Variants in NBAS observed in about 807,000 individuals in gnomAD.
NBAS encodes NAG/BC035112 fusion.
NBAS carries 219 observed loss-of-function variants against 302.5 expected under a neutral mutation model. The ratio of observed to expected loss-of-function variants is 0.72; its 90% CI spans 0.65 to 0.81. The LOEUF is 0.81. Among genes scored for constraint, NBAS ranks in the 30% least tolerant of loss-of-function variants. The pLI, the probability that NBAS is intolerant of heterozygous loss-of-function variation, is 0.00. For synonymous variants in NBAS, 1,118 were observed against 1,021.6 expected (o/e 1.09, Z -1.80); for missense variants, 2,932 against 2,841.6 (o/e 1.03, Z -0.72).
At chr2:15,066,912 A>T in the NBAS span, among the ~76,000 whole-genome samples, 3 of 152,204 alleles carry the variant, frequency 2.0e-5, no homozygotes, top group African/African-American at 7.2e-5. Context: ...CCCCATGTTC[A>T]TTGCAGCATT....
the NBAS span, among the ~76,000 whole-genome samples, chr2:15,110,530 G>T: frequency 6.6e-6 from 1 of 152,136 alleles, no homozygotes; most frequent in South Asian, 2.1e-4. Context: ...CATAGAAGTT[G>T]CAGCCTGCTC....
intron 50 of NBAS, among the ~76,000 whole-genome samples, chr2:15,185,287 T>C (rs998726557): frequency 6.6e-6 from 1 of 152,184 alleles, no homozygotes; most frequent in African/African-American, 2.4e-5. Flanking sequence ...CCCAAGAGTG[T>C]TAGCAAATGT....
chr2:15,309,301 G>A (rs1671174218), intron 38 of NBAS, 54 bp from the exon 39 acceptor site: 2 of 1,409,924 alleles, frequency 1.4e-6, no homozygotes, highest in South Asian at 1.2e-5. Flanking sequence ...GATATTCATA[G>A]TTATTAAATG....
chr2:14,818,511 C>T, the NBAS span, among the ~76,000 whole-genome samples: 367 of 152,322 alleles, frequency 2.4e-3, no homozygotes, highest in African/African-American at 8.1e-3. Context: ...GGATTCATTT[C>T]CAGGTTTTCT....
At chr2:15,033,267 C>T in the NBAS span, among the ~76,000 whole-genome samples, 14 of 152,298 alleles carry the variant, frequency 9.2e-5, 1 homozygote, top group African/African-American at 3.4e-4. Context: ...AATAAATATC[C>T]TATGCCTGTT....
intron 44 of NBAS, among the ~76,000 whole-genome samples, chr2:15,272,310 A>G (rs1278569476): frequency 6.6e-6 from 1 of 152,190 alleles, no homozygotes; most frequent in Non-Finnish European, 1.5e-5. Flanking sequence ...AAAACTGCAC[A>G]CTGTGTATGA....
chr2:15,222,509 A>G (rs1441025147), intron 47 of NBAS, among the ~76,000 whole-genome samples: 1 of 152,202 alleles, frequency 6.6e-6, no homozygotes, highest in African/African-American at 2.4e-5. Context: ...AATGAAAACA[A>G]TATTCATAAT....
chr2:15,037,024 G>A, the NBAS span, among the ~76,000 whole-genome samples: 1 of 152,146 alleles, frequency 6.6e-6, no homozygotes, highest in African/African-American at 2.4e-5. Context: ...GATGCACAAT[G>A]AATAGATTTG....
the NBAS span, among the ~76,000 whole-genome samples, chr2:15,127,753 T>C: frequency 2.0e-5 from 3 of 152,108 alleles, no homozygotes; most frequent in Admixed American, 2.0e-4. Context: ...ACAAAGCTGA[T>C]CGTAAATGTG....
chr2:15,476,692 G>A (rs553653249), intron 13 of NBAS, among the ~76,000 whole-genome samples: 1 of 152,036 alleles, frequency 6.6e-6, no homozygotes, highest in East Asian at 1.9e-4. Context: ...TCCAGCCTGG[G>A]CGACAGAGCG....
the NBAS span, among the ~76,000 whole-genome samples, chr2:15,113,320 C>CGTGTGTGTGTGTGTGT: frequency 3.1e-3 from 403 of 129,942 alleles, 4 homozygotes; most frequent in East Asian, 0.013. Context: ...GGTATGAACT[C>CGTGTGTGTGTGTGTGT]GTGTGTGTGT....
chr2:15,262,087 C>A (rs1224783553), intron 44 of NBAS, among the ~76,000 whole-genome samples: 1 of 152,132 alleles, frequency 6.6e-6, no homozygotes, highest in Non-Finnish European at 1.5e-5. Flanking sequence ...ATACCAGGGG[C>A]CACAGGGTTG....
At chr2:15,252,633 A>G (rs2147990989) in intron 44 of NBAS, among the ~76,000 whole-genome samples, 1 of 152,320 alleles carries the variant, frequency 6.6e-6, no homozygotes, top group South Asian at 2.1e-4. Context: ...AGTGAGGTGG[A>G]AAAAATCAGG....
chr2:14,842,452 T>A, the NBAS span, among the ~76,000 whole-genome samples: 1 of 151,522 alleles, frequency 6.6e-6, no homozygotes, highest in Non-Finnish European at 1.5e-5. Flanking sequence ...AGAGTGAAGA[T>A]CCTAATAATT....
the NBAS span, among the ~76,000 whole-genome samples, chr2:15,144,482 G>A: frequency 1.3e-5 from 2 of 152,202 alleles, no homozygotes; most frequent in African/African-American, 4.8e-5. Flanking sequence ...CATAAAATGT[G>A]TATTGAGCAA....
At chr2:14,903,110 T>TA in the NBAS span, among the ~76,000 whole-genome samples, 1 of 151,982 alleles carries the variant, frequency 6.6e-6, no homozygotes, top group Non-Finnish European at 1.5e-5. Flanking sequence ...ACCTTCTACA[T>TA]ACAGTGTCTT....
At chr2:15,535,029 A>G (rs1663415993) in intron 8 of NBAS, among the ~76,000 whole-genome samples, 1 of 152,244 alleles carries the variant, frequency 6.6e-6, no homozygotes, top group African/African-American at 2.4e-5. Context: ...CTATTCATAC[A>G]ATAAAATACT....
chr2:15,017,738 AG>A, the NBAS span, among the ~76,000 whole-genome samples: 1 of 152,092 alleles, frequency 6.6e-6, no homozygotes. Context: ...AACAGTAGAG[AG>A]GTTCCTCAAA....
the NBAS span, among the ~76,000 whole-genome samples, chr2:14,839,615 C>A: frequency 6.6e-6 from 1 of 152,022 alleles, no homozygotes; most frequent in African/African-American, 2.4e-5. Flanking sequence ...CTTTCCATTC[C>A]ATCAGGATAT....
Sources: gnomAD v4.1 joint callset for allele counts (sites outside exome capture counted in the v4.1 genomes callset) on GRCh38, gnomAD v4.1.1 for gene constraint, MANE v1.5 for transcripts, NCBI Gene and HGNC (gene_info 2026-07-23, HGNC 2026-07-21) for gene names.